NR1D1: variants seen among roughly 807,000 people sequenced by gnomAD.
NR1D1 encodes nuclear receptor subfamily 1 group D member 1, also known as Rev-ErbAalpha.
NR1D1 carries 17 observed loss-of-function variants against 51.1 expected under a neutral mutation model. The observed-to-expected ratio is 0.33, with a 90% CI of 0.23 to 0.50. The LOEUF is 0.50. Ranked by LOEUF, NR1D1 falls within the 20% of genes least tolerant of loss-of-function variation. The probability of loss-of-function intolerance (pLI) is 0.98; values close to 1 mark genes in which losing one functional copy is unlikely to be tolerated. For synonymous variants in NR1D1, 341 were observed against 333.4 expected, an observed-to-expected ratio of 1.02 and a Z score of -0.25; for missense variants, 647 against 830.4, an observed-to-expected ratio of 0.78 and a Z score of 2.71.
At position 40,097,341 on chromosome 17, in the gene NR1D1, G is replaced by A. The variant is rs1222327835; in HGVS notation, c.94C>T (p.Leu32Phe). The A allele has an allele frequency of 6.2e-7, 1 of 1,613,930 alleles. No individual in the cohort carries two copies. Among genetic ancestry groups the A allele is most frequent in the African/African-American group, 1.3e-5 (1 of 74,876 alleles). ...SSPSRTSPES[L>F]YSDNSNGSFQ... ...CTGCCATTGGAGTTGTCACTATAGAGGGATTCAGGGCTGGTGCGGCTTGGG... is the reference window on the plus strand; with the variant it reads ...CTGCCATTGGAGTTGTCACTATAGAAGGATTCAGGGCTGGTGCGGCTTGGG... The change falls in exon 2 of 8, where the codon CTC becomes TTC. Residue 32 changes from leucine to phenylalanine, a missense_variant. Coordinates refer to ENST00000246672, the MANE Select transcript of NR1D1 (RefSeq NM_021724.5).
rs774211407 is a variant in NR1D1 at position 40,095,106 on chromosome 17, G to A, written c.1263C>T (p.Asn421=). ...SKNVLLACPM[N]MYPHGRSGRT... is the part of the protein sequence containing the mutation. ...GCCCACTGCGTCCATGCGGGTACAT[G>A]TTCATAGGACATGCCTGGGGGAGGA... Residue 421 remains asparagine, a synonymous_variant, in exon 6 of 8, where the codon AAC becomes AAT. Transcript: ENST00000246672. 6.2e-6 allele frequency: 10 copies of A among 1,612,176 alleles called. No individual in the cohort carries two copies. The highest frequency in any genetic ancestry group is 1.3e-5 in the African/African-American group (1 of 74,858).
chr17:40,095,455 T>C lies in NR1D1; in HGVS notation c.1237A>G (p.Asn413Asp), dbSNP rs1987734337. 6.6e-7 allele frequency: 1 copy of C among 1,525,834 alleles called. No homozygotes were observed. The highest frequency in any genetic ancestry group is 2.1e-5 in the Admixed American group (1 of 46,648). The allele number at this position is 1,525,834 out of a possible 1,614,324, so 94.5% of individuals were successfully genotyped here. ...CCCCATGCCCTTACCAGCAGAACATTCTTTGAGTTGCCCTGCCGGGGACTG... is the reference window on the plus strand; with the variant it reads ...CCCCATGCCCTTACCAGCAGAACATCCTTTGAGTTGCCCTGCCGGGGACTG... Reference protein sequence around the residue: ...ANSPRQGNSKNVLLACPMNMY... With the variant: ...ANSPRQGNSKDVLLACPMNMY... The change falls in exon 5 of 8, where the codon AAT becomes GAT. Residue 413 changes from asparagine to aspartate, a missense_variant. By Grantham distance (23) the Asn-to-Asp change is conservative (BLOSUM62 1). Around this residue, in one of 7 missense-constraint regions of NR1D1, gnomAD observed 185 missense variants for 176.3 expected, o/e 1.05. Transcript: ENST00000246672.
chr17:40,096,696 A>G lies in NR1D1; in HGVS notation c.454T>C (p.Cys152Arg). Residue 152 changes from cysteine (C) to arginine (R), a missense_variant, in exon 3 of 8, where the codon TGC (cysteine) becomes CGC (arginine). This residue lies in a region of NR1D1 where 70 missense variants were observed against 134.8 expected (regional missense o/e 0.52). Transcript: ENST00000246672. ...FHYGVHACEG[C>R]KGFFRRSIQQ... ...TTACCCCCAGTCCGCCTCACCTTGC[A>G]GCCCTCGCAGGCGTGCACACCGTAG... 2 of 1,614,212 alleles carry G rather than the reference A, an allele frequency of 1.2e-6. No homozygotes were observed. The highest frequency in any genetic ancestry group is 1.7e-6 in the Non-Finnish European group (2 of 1,180,030).
intron 1 of NR1D1, among the ~76,000 whole-genome samples, chr17:40,098,264 A>G (rs911273854): frequency 6.6e-6 from 1 of 152,206 alleles, no homozygotes; most frequent in African/African-American, 2.4e-5. Flanking sequence ...TTGGTCTGCC[A>G]TGGGCGGGGT....
Position 40,096,483 on chromosome 17 carries a change from A to G in NR1D1, c.564T>C (p.Cys188=). 1 of 1,614,220 alleles carries G rather than the reference A, an allele frequency of 6.2e-7. No homozygotes were observed. Among genetic ancestry groups the G allele is most frequent in the Admixed American group, 1.7e-5 (1 of 60,030 alleles). The change falls in exon 4 of 8, where the codon TGT becomes TGC. Residue 188 remains cysteine, a synonymous_variant. Coordinates refer to ENST00000246672, the MANE Select transcript of NR1D1 (RefSeq NM_021724.5). ...CCACAGAGAGACACTTCTTGAAGCG[A>G]CATTGCTGGCAGCGGTTGCGATTGA... ...VRINRNRCQQ[C]RFKKCLSVGM...
In NR1D1 at chr17:40,100,115, GTCAT is replaced by G. The variant is rs1567661765; in HGVS notation, c.-25_-22del. ...GTCATGTCTTCACCAGCTGAGAGCG[GTCAT>G]TCAAACTGGACCTTGACTCAAACTA... is the stretch of plus-strand genomic sequence containing the variant. On this transcript the variant is annotated 5_prime_UTR_variant, in exon 1 of 8. It removes an upstream start codon present in the reference 5' UTR. Transcript: ENST00000246672. The G allele has an allele frequency of 9.3e-6, 15 of 1,604,472 alleles. No homozygotes were observed. The highest frequency in any genetic ancestry group is 1.3e-5 in the African/African-American group (1 of 74,848).
rs140104180 is a variant in NR1D1, at chr17:40,095,986, G to T, written c.706C>A (p.Pro236Thr). ...TGCTGGGTGGGTGAAGTCTCCAGCG[G>T]GCACTGGCTGCTCAACTGGTTGTTG... ...LANNQLSSQC[P>T]LETSPTQHPT... Residue 236 changes from proline to threonine, a missense_variant, in exon 5 of 8, where the codon CCG (proline) becomes ACG (threonine). Around this residue, in one of 7 missense-constraint regions of NR1D1, gnomAD observed 48 missense variants for 42.9 expected, o/e 1.12. Coordinates refer to ENST00000246672, the MANE Select transcript of NR1D1 (RefSeq NM_021724.5). The T allele has an allele frequency of 1.8e-4, 292 of 1,612,646 alleles. No homozygotes were observed. The highest frequency in any genetic ancestry group is 1.2e-3 in the Middle Eastern group (7 of 6,002).
In NR1D1 at chr17:40,093,659, C is replaced by T. The variant is rs1987677607; in HGVS notation, c.1645+253G>A. ...TTTGAGGCCCCAACTCAAGTGTCACCTCCTTCCCCAGCTCCCCCAGGCAGA... is the reference window on the plus strand; with the variant it reads ...TTTGAGGCCCCAACTCAAGTGTCACTTCCTTCCCCAGCTCCCCCAGGCAGA... On this transcript the variant is annotated intron_variant, in intron 7 of 7. Transcript: ENST00000246672. This position sits in a 1 kb window ranked among gnomAD's most constrained non-coding sequence, Gnocchi z 5.9. The T allele has an allele frequency of 4.6e-6, 3 of 647,094 alleles. No individual in the cohort carries two copies. Among genetic ancestry groups the T allele is most frequent in the Non-Finnish European group, 5.2e-6 (2 of 381,144 alleles). The allele number at this position is 647,094 out of a possible 1,614,324, so 40.1% of individuals were successfully genotyped here.
chr17:40,093,689 G>A lies in NR1D1; in HGVS notation c.1645+223C>T, dbSNP rs1987678623. 14 of 634,100 alleles carry A rather than the reference G, an allele frequency of 2.2e-5. No homozygotes were observed. The Admixed American group carries it at 4.1e-4, about 19-fold the overall frequency. The allele number at this position is 634,100 out of a possible 1,614,324, so 39.3% of individuals were successfully genotyped here. A position where few individuals can be genotyped will look rare whatever the true frequency, so the allele number is the denominator to read the frequency against. On this transcript the variant is annotated intron_variant, in intron 7 of 7. Coordinates refer to ENST00000246672, the MANE Select transcript of NR1D1 (RefSeq NM_021724.5). This position sits in a 1 kb window ranked among gnomAD's most constrained non-coding sequence, Gnocchi z 5.9. ...TCCCCAGCTCCCCCAGGCAGAAATAGTTGTCTGTGCTTCCTTGGTTCATGC... is the reference window on the plus strand; with the variant it reads ...TCCCCAGCTCCCCCAGGCAGAAATAATTGTCTGTGCTTCCTTGGTTCATGC...
At chr17:40,099,981 A>G in intron 1 of NR1D1, 83 bp downstream of exon 1, 2 of 1,040,980 alleles carry the variant, frequency 1.9e-6, no homozygotes, top group Non-Finnish European at 3.0e-6. Context: ...CCAGTCCCTT[A>G]CAAAGTTCCT....
chr17:40,097,869 C>T (rs1987795912), intron 1 of NR1D1, among the ~76,000 whole-genome samples: 1 of 152,120 alleles, frequency 6.6e-6, no homozygotes, highest in Admixed American at 6.5e-5. Flanking sequence ...AGGTAGCCAA[C>T]AGTAAAGAGA....
At position 40,100,556 on chromosome 17, in the gene NR1D1, C is replaced by A; in HGVS notation, c.-462G>T. Reference sequence around the variant, plus strand: ...GTCGCAAAGAGGCGAGACGTGTGCCCTGCTACGTTCCCTCGGCAGTAATAT... The same window carrying A: ...GTCGCAAAGAGGCGAGACGTGTGCCATGCTACGTTCCCTCGGCAGTAATAT... On this transcript the variant is annotated 5_prime_UTR_variant, in exon 1 of 8. In the 5' UTR this introduces an upstream ATG that the reference lacks. Coordinates refer to ENST00000246672, the MANE Select transcript of NR1D1 (RefSeq NM_021724.5). The A allele has an allele frequency of 2.3e-6, 1 of 431,028 alleles. No homozygotes were observed. Among genetic ancestry groups the A allele is most frequent in the South Asian group, 6.8e-5 (1 of 14,716 alleles). The allele number at this position is 431,028 out of a possible 1,614,324, so 26.7% of individuals were successfully genotyped here. A position where few individuals can be genotyped will look rare whatever the true frequency, so the allele number is the denominator to read the frequency against.
intron 1 of NR1D1, among the ~76,000 whole-genome samples, chr17:40,097,894 A>G (rs1676559153): frequency 6.6e-6 from 1 of 152,230 alleles, no homozygotes; most frequent in Non-Finnish European, 1.5e-5. Context: ...AGGGTTTACA[A>G]AAGTAAGACA....
rs200289789 is a variant in NR1D1, at chr17:40,097,269, G to A, written c.166C>T (p.Pro56Ser). 6.2e-7 allele frequency: 1 copy of A among 1,613,290 alleles called. No individual in the cohort carries two copies. Among genetic ancestry groups the A allele is most frequent in the Non-Finnish European group, 8.5e-7 (1 of 1,179,462 alleles). Reference sequence around the variant, plus strand: ...GGGTCTTGGGTGAGGGAGCCAGTGGGGGATGGTGGGAAGTAGGTGGGACAG... The same window carrying A: ...GGGTCTTGGGTGAGGGAGCCAGTGGAGGATGGTGGGAAGTAGGTGGGACAG... ...QGCPTYFPPSPTGSLTQDPAR... is the reference protein window; with the variant it reads ...QGCPTYFPPSSTGSLTQDPAR... Residue 56 changes from proline (P) to serine (S), a missense_variant, in exon 2 of 8, where the codon CCC becomes TCC. Pro to Ser is a moderately conservative substitution (Grantham distance 74). This residue lies in a region of NR1D1 where 40 missense variants were observed against 69.0 expected (regional missense o/e 0.58). Transcript: ENST00000246672.
rs1987683893 is a variant in NR1D1, at chr17:40,093,822, G to T, written c.1645+90C>A. 1 of 1,180,174 alleles carries T rather than the reference G, an allele frequency of 8.5e-7. No individual in the cohort carries two copies. Among genetic ancestry groups the T allele is most frequent in the South Asian group, 1.3e-5 (1 of 78,746 alleles). The allele number at this position is 1,180,174 out of a possible 1,614,324, so 73.1% of individuals were successfully genotyped here. A position where few individuals can be genotyped will look rare whatever the true frequency, so the allele number is the denominator to read the frequency against. On this transcript the variant is annotated intron_variant, in intron 7 of 7. Transcript: ENST00000246672. This position sits in a 1 kb window ranked among gnomAD's most constrained non-coding sequence, Gnocchi z 5.9. ...TCTGTATCCCCAGTGCCCGGTGCAG[G>T]GCCTGGCATAGAGTAGGTACTCCAT...
rs752522181 is a variant in NR1D1 at position 40,093,965 on chromosome 17, G to A, written c.1592C>T (p.Ala531Val). 23 of 1,613,868 alleles carry A rather than the reference G, an allele frequency of 1.4e-5. No homozygotes were observed. Among genetic ancestry groups the A allele is most frequent in the Non-Finnish European group, 1.9e-5 (22 of 1,180,034 alleles). ...FDFSEKLNSL[A>V]LTEEELGLFT... ...GAGGCCCAGCTCCTCCTCGGTAAGC[G>A]CCAGGGAGTTGAGCTTCTCGCTGAA... is the stretch of plus-strand genomic sequence containing the variant. The change falls in exon 7 of 8, where the codon GCG becomes GTG. Residue 531 changes from alanine (A) to valine (V), a missense_variant. Physicochemically the swap from Ala to Val is moderately conservative, Grantham distance 64. Around this residue, in one of 7 missense-constraint regions of NR1D1, gnomAD observed 155 missense variants for 236.8 expected, o/e 0.65. Transcript: ENST00000246672. The surrounding 1 kb of genome is among the most constrained non-coding windows in gnomAD (Gnocchi z 5.9).
Position 40,093,076 on chromosome 17 carries a change from G to A in NR1D1, c.*7C>T. Reference sequence around the variant, plus strand: ...AGGGGGCAGCGGCAGAAGGCCGGCCGGGCGGGTCACTGGGCGTCCACCCGG... The same window carrying A: ...AGGGGGCAGCGGCAGAAGGCCGGCCAGGCGGGTCACTGGGCGTCCACCCGG... On this transcript the variant is annotated 3_prime_UTR_variant, in exon 8 of 8. Coordinates refer to ENST00000246672, the MANE Select transcript of NR1D1 (RefSeq NM_021724.5). This position sits in a 1 kb window ranked among gnomAD's most constrained non-coding sequence, Gnocchi z 5.9. 1 of 1,614,120 alleles carries A rather than the reference G, an allele frequency of 6.2e-7. No individual in the cohort carries two copies.
Position 40,095,097 on chromosome 17 carries a change from C to T in NR1D1, c.1272G>A (p.Pro424=), listed in dbSNP as rs773048423. The change falls in exon 6 of 8, where the codon CCG becomes CCA. Residue 424 remains proline, a synonymous_variant. Coordinates refer to ENST00000246672, the MANE Select transcript of NR1D1 (RefSeq NM_021724.5). ...VLLACPMNMY[P]HGRSGRTVQE... ...GCACCGTTCGCCCACTGCGTCCATG[C>T]GGGTACATGTTCATAGGACATGCCT... 8 of 1,613,474 alleles carry T rather than the reference C, an allele frequency of 5.0e-6. No homozygotes were observed. Among genetic ancestry groups the T allele is most frequent in the Admixed American group, 1.7e-5 (1 of 59,976 alleles).
rs146477010 is a variant in NR1D1 at position 40,097,137 on chromosome 17, G to C, written c.298C>G (p.Pro100Ala). ...TCCATGGCCACTTGTAGACTCCCAG[G>C]GGGGCTCCCATTATAGAAGGAGGAG... ...SSSSFYNGSP[P>A]GSLQVAMEDS... Residue 100 changes from proline to alanine, a missense_variant, in exon 2 of 8, where the codon CCT (proline) becomes GCT (alanine). Physicochemically the swap from Pro to Ala is conservative, Grantham distance 27. This residue lies in a region of NR1D1 where 98 missense variants were observed against 94.7 expected (regional missense o/e 1.03). Coordinates refer to ENST00000246672, the MANE Select transcript of NR1D1 (RefSeq NM_021724.5). 2.2e-4 allele frequency: 362 copies of C among 1,611,352 alleles called. 5 individuals are homozygous for C. In the South Asian group the frequency reaches 3.5e-3, roughly 16 times the overall value.
Sources: allele counts gnomAD v4.1 joint callset (sites outside exome capture counted in the v4.1 genomes callset), GRCh38; gene constraint gnomAD v4.1.1; regional missense constraint gnomAD v4.1.1; non-coding constraint Gnocchi (gnomAD v3.1); transcripts MANE v1.5; gene names NCBI Gene and HGNC (gene_info 2026-07-23, HGNC 2026-07-21).